The following PHACTR4 variants were observed in gnomAD, a reference collection of about 807,000 sequenced individuals.
PHACTR4 encodes the protein protein phosphatase 1, regulatory subunit 124.
A neutral mutation model predicts 72.7 loss-of-function variants in PHACTR4; 51 were observed. The ratio of observed to expected loss-of-function variants is 0.70; its 90% CI spans 0.56 to 0.89. PHACTR4 has a LOEUF of 0.89. Among genes scored for constraint, PHACTR4 ranks in the 40% least tolerant of loss-of-function variants. The pLI, the probability that PHACTR4 is intolerant of heterozygous loss-of-function variation, is 0.00. For missense variants in PHACTR4, 731 were observed against 861.8 expected (o/e 0.85, Z 1.90); for synonymous variants, 255 against 302.5 (o/e 0.84, Z 1.63).
intron 6 of PHACTR4, among the ~76,000 whole-genome samples, chr1:28,471,049 A>G (rs1659527854): frequency 6.7e-6 from 1 of 150,282 alleles, no homozygotes; most frequent in East Asian, 1.9e-4. Flanking sequence ...AAAAAGAATT[A>G]TAAAATTAGC....
At chr1:28,446,160 A>T (rs1206137436) in intron 2 of PHACTR4, among the ~76,000 whole-genome samples, 1 of 152,216 alleles carries the variant, frequency 6.6e-6, no homozygotes, top group Non-Finnish European at 1.5e-5. Flanking sequence ...AGAAACAGGC[A>T]TACTTTCCTC....
intron 2 of PHACTR4, among the ~76,000 whole-genome samples, chr1:28,458,108 TTGTGTGTGTGTGTGTGTGTGTGTG>T (rs539564108): frequency 1.7e-5 from 2 of 120,292 alleles, no homozygotes; most frequent in Admixed American, 8.5e-5. Context: ...GTGTGTGTGT[TTGTGTGTGTGTGTGTGTGTGTGTG>T]TGTGTGTGTG....
chr1:28,490,574 G>A (rs1218878748), intron 10 of PHACTR4, among the ~76,000 whole-genome samples: 4 of 150,660 alleles, frequency 2.7e-5, no homozygotes, highest in Admixed American at 6.6e-5. Flanking sequence ...GGCTGGGCAC[G>A]GTGGCTCACG....
At chr1:28,395,674 CTGT>C (rs1355011778) in intron 1 of PHACTR4, among the ~76,000 whole-genome samples, 1 of 140,266 alleles carries the variant, frequency 7.1e-6, no homozygotes, top group Non-Finnish European at 1.5e-5. Flanking sequence ...GAGTCTCACT[CTGT>C]CGCCCAGGCT....
At chr1:28,380,968 A>G (rs1455362443) in intron 1 of PHACTR4, among the ~76,000 whole-genome samples, 3 of 150,706 alleles carry the variant, frequency 2.0e-5, no homozygotes, top group African/African-American at 7.3e-5. Flanking sequence ...ATGTATAAGC[A>G]TTTCTTTTTC....
intron 9 of PHACTR4, among the ~76,000 whole-genome samples, chr1:28,488,084 A>T (rs570320923): frequency 6.6e-6 from 1 of 152,232 alleles, no homozygotes; most frequent in African/African-American, 2.4e-5. Flanking sequence ...TGATGAGGTG[A>T]GATAACTTTA....
intron 2 of PHACTR4, among the ~76,000 whole-genome samples, chr1:28,424,752 T>A (rs1381173571): frequency 6.6e-6 from 1 of 152,050 alleles, no homozygotes; most frequent in African/African-American, 2.4e-5. Context: ...CCTCCCAAAG[T>A]GCTGGGATTA....
chr1:28,414,234 C>T (rs1393300728), intron 2 of PHACTR4, among the ~76,000 whole-genome samples: 1 of 151,866 alleles, frequency 6.6e-6, no homozygotes, highest in Non-Finnish European at 1.5e-5. Flanking sequence ...CCATCACTGC[C>T]TGGCTAATTT....
chr1:28,376,315 A>G (rs1407499201), intron 1 of PHACTR4, among the ~76,000 whole-genome samples: 2 of 147,674 alleles, frequency 1.4e-5, no homozygotes, highest in Non-Finnish European at 3.0e-5. Flanking sequence ...CTTGTCTCAA[A>G]AAAAAAAAAA....
At chr1:28,447,031 G>T (rs1183892572) in intron 2 of PHACTR4, among the ~76,000 whole-genome samples, 2 of 128,726 alleles carry the variant, frequency 1.6e-5, no homozygotes, top group Non-Finnish European at 3.1e-5. Flanking sequence ...TATTTATTTA[G>T]ATAGAGTCTC....
intron 12 of PHACTR4, among the ~76,000 whole-genome samples, chr1:28,492,636 T>C (rs2124558539): frequency 6.6e-6 from 1 of 151,968 alleles, no homozygotes; most frequent in East Asian, 1.9e-4. Context: ...AGTGCGCACC[T>C]GTAATCCCAG....
Position 28,496,421 on chromosome 1 carries a change from A to G in PHACTR4, c.2094-113A>G, listed in dbSNP as rs1309625686. ...TGCAACAGAAAGGTCAGGTCGAATT[A>G]GAGCAGAGGAAAGGCAGTGTTAATT... On this transcript the variant is annotated intron_variant, in intron 13 of 13. Coordinates refer to ENST00000373839, the MANE Select transcript of PHACTR4 (RefSeq NM_001048183.3). 6.7e-6 allele frequency: 8 copies of G among 1,200,792 alleles called. No homozygotes were observed. In the Admixed American group the frequency reaches 1.4e-4, roughly 21 times the overall value. 74.4% of individuals were successfully genotyped at this position (1,200,792 alleles called of 1,614,324 possible). A position where few individuals can be genotyped will look rare whatever the true frequency, so the allele number is the denominator to read the frequency against.
chr1:28,430,716 A>G (rs927636523), intron 2 of PHACTR4, among the ~76,000 whole-genome samples: 1 of 152,188 alleles, frequency 6.6e-6, no homozygotes, highest in African/African-American at 2.4e-5. Context: ...CCTCCCTCAG[A>G]CATCTCAAGC....
In PHACTR4 at chr1:28,480,492, A is replaced by G. The variant is rs746499725; in HGVS notation, c.1648A>G (p.Met550Val). ...NKVKRKDTLA[M>V]KLNHRPSEPE... ...AGTGAAGAGGAAAGACACACTGGCA[A>G]TGAAGTTGAACCACAGACCCAGTGA... is the stretch of plus-strand genomic sequence containing the variant. Residue 550 changes from methionine to valine, a missense_variant, in exon 9 of 14, where the codon ATG becomes GTG. By Grantham distance (21) the Met-to-Val change is conservative (BLOSUM62 1). Around this residue, in one of 2 missense-constraint regions of PHACTR4, gnomAD observed 621 missense variants for 676.6 expected, o/e 0.92. Transcript: ENST00000373839. 1.9e-6 allele frequency: 3 copies of G among 1,614,132 alleles called. No homozygotes were observed. The South Asian group carries it at 3.3e-5, about 18-fold the overall frequency.
chr1:28,448,273 T>G (rs1033350919), intron 2 of PHACTR4, among the ~76,000 whole-genome samples: 1 of 151,954 alleles, frequency 6.6e-6, no homozygotes, highest in Non-Finnish European at 1.5e-5. Context: ...CCTAGCACTT[T>G]GGGAGGTCGA....
intron 6 of PHACTR4, among the ~76,000 whole-genome samples, chr1:28,471,181 C>T: frequency 6.6e-6 from 1 of 152,008 alleles, no homozygotes; most frequent in East Asian, 1.9e-4. Context: ...AACCCCATCT[C>T]TACTAAAAAT....
In PHACTR4 at chr1:28,480,530, C is replaced by T; in HGVS notation, c.1686C>T (p.Asn562=). The part of the protein sequence containing the change: ...LNHRPSEPEL[N]LNSWPCKSKE... ...ACAGACCCAGTGAACCAGAGTTGAA[C>T]CTGAATTCTTGGCCTTGTAAAAGCA... The change falls in exon 9 of 14, where the codon AAC becomes AAT. Residue 562 remains asparagine (N), a synonymous_variant. Transcript: ENST00000373839. 2.5e-6 allele frequency: 4 copies of T among 1,614,116 alleles called. No individual in the cohort carries two copies. The highest frequency in any genetic ancestry group is 3.4e-6 in the Non-Finnish European group (4 of 1,180,026).
intron 1 of PHACTR4, among the ~76,000 whole-genome samples, chr1:28,382,442 T>TA: frequency 6.6e-6 from 1 of 152,132 alleles, no homozygotes; most frequent in East Asian, 1.9e-4. Flanking sequence ...TAGCTGGGAC[T>TA]ACAGGCGCAT....
chr1:28,413,923 T>C (rs1035008517), intron 2 of PHACTR4, among the ~76,000 whole-genome samples: 6 of 152,164 alleles, frequency 3.9e-5, no homozygotes, highest in Non-Finnish European at 7.4e-5. Context: ...CATATCAGTA[T>C]CAGGGTCTAA....
Sources: allele counts gnomAD v4.1 joint callset (sites outside exome capture counted in the v4.1 genomes callset), GRCh38; gene constraint gnomAD v4.1.1; regional missense constraint gnomAD v4.1.1; transcripts MANE v1.5; gene names NCBI Gene and HGNC (gene_info 2026-07-23, HGNC 2026-07-21).